Variants in TMEM182 observed in about 807,000 individuals in gnomAD.
The protein encoded by TMEM182 is transmembrane protein 182.
A neutral mutation model predicts 26.8 loss-of-function variants in TMEM182; 20 were observed. The ratio of observed to expected loss-of-function variants is 0.75; its 90% CI spans 0.53 to 1.09. The LOEUF is 1.09. TMEM182 is among the 50% of genes least tolerant of loss of function. TMEM182 has a pLI of 0.00. For missense variants in TMEM182, 277 were observed against 275.5 expected, an observed-to-expected ratio of 1.01 and a Z score of -0.04; for synonymous variants, 109 against 102.2, an observed-to-expected ratio of 1.07 and a Z score of -0.40.
intron 3 of TMEM182, among the ~76,000 whole-genome samples, chr2:102,833,383 G>C (rs1466316806): frequency 6.6e-6 from 1 of 152,114 alleles, no homozygotes; most frequent in East Asian, 1.9e-4. Context: ...CCCTGGAATT[G>C]TGCATGGGGA....
At chr2:102,762,923 T>G (rs898564340) in intron 2 of TMEM182, among the ~76,000 whole-genome samples, 6 of 152,218 alleles carry the variant, frequency 3.9e-5, no homozygotes, top group Non-Finnish European at 5.9e-5. Flanking sequence ...AAAACTGAAT[T>G]ATCCATTGTT....
At chr2:102,741,279 G>C (rs1328262474) in intron 1 of TMEM182, among the ~76,000 whole-genome samples, 1 of 152,102 alleles carries the variant, frequency 6.6e-6, no homozygotes, top group Non-Finnish European at 1.5e-5. Flanking sequence ...AATGTGGCAG[G>C]CATGAGAGTT....
chr2:102,825,325 C>T (rs1683013141), intron 3 of TMEM182, among the ~76,000 whole-genome samples: 1 of 152,216 alleles, frequency 6.6e-6, no homozygotes, highest in Non-Finnish European at 1.5e-5. Context: ...TACAATTCTG[C>T]CCTCAGAGTC....
chr2:102,763,593 T>C (rs1247179172), intron 2 of TMEM182, among the ~76,000 whole-genome samples: 2 of 152,194 alleles, frequency 1.3e-5, no homozygotes, highest in Admixed American at 1.3e-4. Context: ...AGCAGCGTTT[T>C]GAGGCAAGTA....
chr2:102,817,028 T>C lies in TMEM182; in HGVS notation c.*2060T>C. The C allele has an allele frequency of 1.0e-6, 1 of 985,754 alleles. No homozygotes were observed. The highest frequency in any genetic ancestry group is 4.7e-5 in the South Asian group (1 of 21,294). The allele number at this position is 985,754 out of a possible 1,614,324, so 61.1% of individuals were successfully genotyped here. ...TTTACACAGATTTGCACTTTGGAACTATTTTATAGTTGTAATGCATCAATC... is the reference window on the plus strand; with the variant it reads ...TTTACACAGATTTGCACTTTGGAACCATTTTATAGTTGTAATGCATCAATC... On this transcript the variant is annotated 3_prime_UTR_variant, in exon 5 of 5. Transcript: ENST00000412401.
At chr2:102,777,785 T>C (rs1364934131) in intron 3 of TMEM182, among the ~76,000 whole-genome samples, 2 of 151,600 alleles carry the variant, frequency 1.3e-5, no homozygotes, top group Non-Finnish European at 3.0e-5. Flanking sequence ...CTTTTTCTTT[T>C]TTTTTTGCCT....
At chr2:102,817,773 A>C (rs555244527), downstream of TMEM182, 17 of 910,812 alleles carry the variant, frequency 1.9e-5, no homozygotes, top group South Asian at 2.5e-4. Context: ...GTAAGTGTGC[A>C]TGTGTATTAT....
chr2:102,826,991 A>G (rs114634435), intron 3 of TMEM182, among the ~76,000 whole-genome samples: 3 of 152,202 alleles, frequency 2.0e-5, no homozygotes, highest in Admixed American at 2.0e-4. Flanking sequence ...CAGCAAGATA[A>G]TGAAAAACTG....
Position 102,814,954 on chromosome 2 carries a change from C to G in TMEM182, c.676C>G (p.Gln226Glu). The G allele has an allele frequency of 1.9e-6, 3 of 1,613,806 alleles. No individual in the cohort carries two copies. The highest frequency in any genetic ancestry group is 2.5e-6 in the Non-Finnish European group (3 of 1,179,888). ...LLFLVVGWHI[Q>E]IHH ...ATTTCTGGTTGTTGGATGGCATATT[C>G]AGATACATCACTAAATCAACTGTTG... The change falls in exon 5 of 5, where the codon CAG (glutamine) becomes GAG (glutamate). Residue 226 changes from glutamine to glutamate, a missense_variant. Physicochemically the swap from Gln to Glu is conservative, Grantham distance 29. Transcript: ENST00000412401.
intron 3 of TMEM182, among the ~76,000 whole-genome samples, chr2:102,777,623 C>A (rs1043582215): frequency 3.9e-5 from 6 of 151,996 alleles, no homozygotes; most frequent in Non-Finnish European, 7.4e-5. Flanking sequence ...TGCTTTCCTG[C>A]AAATATGCTG....
chr2:102,769,042 G>T, intron 3 of TMEM182, among the ~76,000 whole-genome samples: 1 of 152,204 alleles, frequency 6.6e-6, no homozygotes, highest in East Asian at 1.9e-4. Context: ...ACCATCCTTG[G>T]GGGTGGACAG....
In TMEM182 at chr2:102,762,634, G is replaced by T; in HGVS notation, c.180G>T (p.Trp60Cys). ...FHHEGFFWRC[W>C]FNGIVEENDS... ...ATGAAGGGTTCTTCTGGAGGTGTTG[G>T]TTTAATGGGATTGTGGAAGAGAATG... The change falls in exon 2 of 5, where the codon TGG (tryptophan) becomes TGT (cysteine). Residue 60 changes from tryptophan (W) to cysteine (C), a missense_variant. Physicochemically the swap from Trp to Cys is radical, Grantham distance 215. Coordinates refer to ENST00000412401, the MANE Select transcript of TMEM182 (RefSeq NM_144632.5). The T allele has an allele frequency of 6.2e-7, 1 of 1,613,980 alleles. No individual in the cohort carries two copies. Among genetic ancestry groups the T allele is most frequent in the Non-Finnish European group, 8.5e-7 (1 of 1,179,940 alleles).
intron 1 of TMEM182, among the ~76,000 whole-genome samples, chr2:102,749,165 A>G (rs1679803507): frequency 6.6e-6 from 1 of 152,168 alleles, no homozygotes; most frequent in African/African-American, 2.4e-5. Flanking sequence ...AAGTAGAAGA[A>G]CACTTTAGCT....
In TMEM182 at chr2:102,814,819, C is replaced by T. The variant is rs1046000044; in HGVS notation, c.541C>T (p.Arg181Ter). 12 of 1,613,598 alleles carry T rather than the reference C, an allele frequency of 7.4e-6. No homozygotes were observed. Among genetic ancestry groups the T allele is most frequent in the African/African-American group, 5.3e-5 (4 of 74,830 alleles). The change falls in exon 5 of 5, where the codon CGA becomes TGA. Residue 181 changes from arginine (R) to a stop codon, truncating the protein, a stop_gained. Coordinates refer to ENST00000412401, the MANE Select transcript of TMEM182 (RefSeq NM_144632.5). LOFTEE classifies it high-confidence loss of function. Reference sequence around the variant, plus strand: ...GGCAGTGGCTGACATGGAAAGCTACCGAAACATGAAAATGAAGGACTGCCT... The same window carrying T: ...GGCAGTGGCTGACATGGAAAGCTACTGAAACATGAAAATGAAGGACTGCCT... The part of the protein sequence containing the change: ...VQAVADMESY[R>*]NMKMKDCLDF...
intron 3 of TMEM182, among the ~76,000 whole-genome samples, chr2:102,824,857 T>G (rs1277687274): frequency 1.3e-5 from 2 of 152,060 alleles, no homozygotes; most frequent in Non-Finnish European, 2.9e-5. Flanking sequence ...AAGATGTATC[T>G]GCTTCCCTTT....
chr2:102,773,996 A>G (rs1342125620), intron 3 of TMEM182, among the ~76,000 whole-genome samples: 4 of 152,198 alleles, frequency 2.6e-5, no homozygotes, highest in Admixed American at 2.6e-4. Flanking sequence ...GATTTTTTAA[A>G]AAACTATTTC....
At chr2:102,779,360 T>C (rs1005130362) in intron 3 of TMEM182, among the ~76,000 whole-genome samples, 5 of 152,230 alleles carry the variant, frequency 3.3e-5, no homozygotes, top group Admixed American at 3.3e-4. Flanking sequence ...TTTAGATTTA[T>C]GTCTTTTGAT....
In TMEM182 at chr2:102,801,895, T is replaced by C. The variant is rs140935194; in HGVS notation, c.469+3895T>C. ...TTTTCTACTTAATTTTATTTTTCTTTCTTTAATTTCCACCTCAGCACAACT... is the reference window on the plus strand; with the variant it reads ...TTTTCTACTTAATTTTATTTTTCTTCCTTTAATTTCCACCTCAGCACAACT... On this transcript the variant is annotated intron_variant, in intron 4 of 4. Transcript: ENST00000412401. Among the ~76,000 whole-genome samples the C allele has an allele frequency of 8.0e-3, 1,226 of 152,326 alleles. 10 individuals carry two copies. Among genetic ancestry groups the C allele is most frequent in the Non-Finnish European group, 0.013 (898 of 68,020 alleles).
intron 3 of TMEM182, among the ~76,000 whole-genome samples, chr2:102,841,726 C>T (rs542196253): frequency 3.7e-4 from 56 of 152,288 alleles, no homozygotes; most frequent in African/African-American, 1.2e-3. Flanking sequence ...GTGGCAATAG[C>T]TATATCAATT....
Sources: allele counts gnomAD v4.1 joint callset (sites outside exome capture counted in the v4.1 genomes callset), GRCh38; gene constraint gnomAD v4.1.1; transcripts MANE v1.5; gene names NCBI Gene and HGNC (gene_info 2026-07-23, HGNC 2026-07-21).